GRM3: variants seen among roughly 807,000 people sequenced by gnomAD.
GRM3 encodes the protein metabotropic glutamate receptor 3.
In GRM3, 26 loss-of-function variants were observed where a neutral mutation model predicts 70.5. The observed-to-expected ratio is 0.37, with a 90% CI of 0.27 to 0.51. The LOEUF is 0.51. Ranked by LOEUF, GRM3 falls within the 20% of genes least tolerant of loss-of-function variation. GRM3 has a pLI of 0.93. For missense variants in GRM3, 859 were observed against 1,123.8 expected (o/e 0.76, Z 3.37); for synonymous variants, 443 against 434.9 (o/e 1.02, Z -0.23).
intron 1 of GRM3, among the ~76,000 whole-genome samples, chr7:86,737,613 C>T (rs945056323): frequency 1.3e-5 from 2 of 152,134 alleles, no homozygotes; most frequent in African/African-American, 4.8e-5. Flanking sequence ...TTTCTCAATA[C>T]GTGCTTTAGT....
chr7:86,712,298 C>T (rs751665263), intron 1 of GRM3, among the ~76,000 whole-genome samples: 66 of 151,996 alleles, frequency 4.3e-4, no homozygotes, highest in Admixed American at 1.3e-4. Flanking sequence ...ATAGTGTTCT[C>T]TTCCTAAAAC....
rs1798512464 is a variant in GRM3 at position 86,839,081 on chromosome 7, C to T, written c.1567C>T (p.Pro523Ser). Residue 523 changes from proline (P) to serine (S), a missense_variant, in exon 4 of 6, where the codon CCA becomes TCA. Transcript: ENST00000361669. This position sits in a 1 kb window ranked among gnomAD's most constrained non-coding sequence, Gnocchi z 4.5. ...CCCCAATGAAATGAAGAATATGCAACCAGGGGATGTCTGCTGCTGGATTTG... is the reference window on the plus strand; with the variant it reads ...CCCCAATGAAATGAAGAATATGCAATCAGGGGATGTCTGCTGCTGGATTTG... ...CAPNEMKNMQ[P>S]GDVCCWICIP... is the part of the protein sequence containing the mutation. The T allele has an allele frequency of 6.2e-7, 1 of 1,613,776 alleles. No individual in the cohort carries two copies. The highest frequency in any genetic ancestry group is 8.5e-7 in the Non-Finnish European group (1 of 1,179,688).
chr7:86,858,539 G>C (rs1798894267), intron 5 of GRM3, among the ~76,000 whole-genome samples: 1 of 152,112 alleles, frequency 6.6e-6, no homozygotes, highest in South Asian at 2.1e-4. Flanking sequence ...ACCATGTCAT[G>C]ATACAGCAGG....
intron 3 of GRM3, among the ~76,000 whole-genome samples, chr7:86,788,126 C>T (rs917191401): frequency 1.3e-5 from 2 of 152,228 alleles, no homozygotes; most frequent in Admixed American, 6.5e-5. Context: ...ACTCAGGCAT[C>T]GTTCCAATCT....
At chr7:86,847,913 T>G (rs904897142) in intron 4 of GRM3, among the ~76,000 whole-genome samples, 3 of 152,184 alleles carry the variant, frequency 2.0e-5, no homozygotes, top group Non-Finnish European at 4.4e-5. Flanking sequence ...GTATACTGAA[T>G]AAACATGGTG....
Position 86,672,945 on chromosome 7 carries a change from A to G in GRM3, c.-141+28073A>G, listed in dbSNP as rs570189604. Among the ~76,000 whole-genome samples the G allele has an allele frequency of 4.6e-5, 7 of 152,260 alleles. No homozygotes were observed. The South Asian group carries it at 1.5e-3, about 32-fold the overall frequency. On this transcript the variant is annotated intron_variant, in intron 1 of 5. Coordinates refer to ENST00000361669, the MANE Select transcript of GRM3 (RefSeq NM_000840.3). ...GTACCTCTTATTCAGTATCTTTTAG[A>G]TCAATATTGACTCCTCTCTATACCC...
rs1312589510 is a variant in GRM3 at position 86,644,416 on chromosome 7, T to A, written c.-597T>A. On this transcript the variant is annotated 5_prime_UTR_variant, in exon 1 of 6. Transcript: ENST00000361669. ...ATTAGATGCGACGGCTTCAGCCTGG[T>A]CAAGGTGAAGGAAAGTTGCTTCCGC... 1 of 337,520 alleles carries A rather than the reference T, an allele frequency of 3.0e-6. No homozygotes were observed. The highest frequency in any genetic ancestry group is 5.8e-6 in the Non-Finnish European group (1 of 171,990). 20.9% of individuals were successfully genotyped at this position (337,520 alleles called of 1,614,324 possible).
chr7:86,781,320 A>C (rs1797053254), intron 2 of GRM3, among the ~76,000 whole-genome samples: 2 of 152,166 alleles, frequency 1.3e-5, no homozygotes, highest in Non-Finnish European at 2.9e-5. Context: ...TTCTTTGTTC[A>C]CTTCTGAGGA....
chr7:86,803,783 C>A (rs1476785445), intron 3 of GRM3, among the ~76,000 whole-genome samples: 1 of 150,272 alleles, frequency 6.7e-6, no homozygotes, highest in East Asian at 1.9e-4. Flanking sequence ...TTTGTTTTTC[C>A]CTCATGTTTG....
At chr7:86,861,604 G>A (rs1014987760) in intron 5 of GRM3, among the ~76,000 whole-genome samples, 5 of 152,142 alleles carry the variant, frequency 3.3e-5, no homozygotes, top group Admixed American at 2.0e-4. Context: ...GTAGATCAGA[G>A]GGAAGAACAT....
At chr7:86,742,367 A>G (rs556523493) in intron 1 of GRM3, among the ~76,000 whole-genome samples, 17 of 152,280 alleles carry the variant, frequency 1.1e-4, no homozygotes, top group Admixed American at 1.0e-3. Context: ...AAGGGGTAGG[A>G]AAATATACTC....
rs1398773691 is a variant in GRM3 at position 86,838,939 on chromosome 7, T to C, written c.1425T>C (p.Gly475=). 6.2e-7 allele frequency: 1 copy of C among 1,613,628 alleles called. No homozygotes were observed. Among genetic ancestry groups the C allele is most frequent in the South Asian group, 1.1e-5 (1 of 91,068 alleles). The change falls in exon 4 of 6, where the codon GGT becomes GGC. Residue 475 remains glycine (G), a synonymous_variant. Coordinates refer to ENST00000361669, the MANE Select transcript of GRM3 (RefSeq NM_000840.3). ...ACGTGTTCAATTTCCAAAATGTAGG[T>C]GGAAAGTATTCCTACTTGAAAGTTG... The part of the protein sequence containing the change: ...RYNVFNFQNV[G]GKYSYLKVGH...
intron 1 of GRM3, among the ~76,000 whole-genome samples, chr7:86,693,695 G>T (rs1408851993): frequency 6.6e-6 from 1 of 152,070 alleles, no homozygotes; most frequent in Non-Finnish European, 1.5e-5. Flanking sequence ...CAGGTAGCAG[G>T]TTATCTCGAA....
intron 1 of GRM3, among the ~76,000 whole-genome samples, chr7:86,690,523 C>T (rs546336156): frequency 1.3e-5 from 2 of 152,024 alleles, no homozygotes; most frequent in African/African-American, 4.8e-5. Context: ...TGAGCCTTCA[C>T]CATGAAATTA....
chr7:86,802,155 T>G (rs921715209), intron 3 of GRM3, among the ~76,000 whole-genome samples: 1 of 152,180 alleles, frequency 6.6e-6, no homozygotes, highest in African/African-American at 2.4e-5. Context: ...TTCCCTCTAT[T>G]TTATAAGTTT....
At chr7:86,797,676 G>A (rs567228924) in intron 3 of GRM3, among the ~76,000 whole-genome samples, 1 of 152,332 alleles carries the variant, frequency 6.6e-6, no homozygotes, top group African/African-American at 2.4e-5. Flanking sequence ...GTTCAAGCTG[G>A]CTGCATAAAT....
chr7:86,718,563 G>A (rs1217770232), intron 1 of GRM3, among the ~76,000 whole-genome samples: 1 of 151,928 alleles, frequency 6.6e-6, no homozygotes, highest in African/African-American at 2.4e-5. Context: ...GGATAGGGGT[G>A]TTATTTCCAA....
intron 1 of GRM3, among the ~76,000 whole-genome samples, chr7:86,716,959 G>A (rs564194798): frequency 6.6e-6 from 1 of 151,964 alleles, no homozygotes; most frequent in Non-Finnish European, 1.5e-5. Context: ...TGGACTACCT[G>A]GGTTCAAACT....
At chr7:86,696,750 C>T (rs188604652) in intron 1 of GRM3, among the ~76,000 whole-genome samples, 15 of 152,156 alleles carry the variant, frequency 9.9e-5, no homozygotes, top group African/African-American at 2.9e-4. Context: ...GCTCCTGCTA[C>T]GTGTCAAACA....
Sources: allele counts gnomAD v4.1 joint callset (sites outside exome capture counted in the v4.1 genomes callset), GRCh38; gene constraint gnomAD v4.1.1; non-coding constraint Gnocchi (gnomAD v3.1); transcripts MANE v1.5; gene names NCBI Gene and HGNC (gene_info 2026-07-23, HGNC 2026-07-21).